Variants in VAC14 observed in about 807,000 individuals in gnomAD.
VAC14 encodes the protein protein VAC14 homolog.
In VAC14, 47 loss-of-function variants were observed where a neutral mutation model predicts 85.3. The ratio of observed to expected loss-of-function variants is 0.55; its 90% confidence interval spans 0.44 to 0.70. The LOEUF is 0.70. Ranked by LOEUF, VAC14 falls within the 30% of genes least tolerant of loss-of-function variation. The pLI is 0.00. For missense variants in VAC14, 861 were observed against 1,004.3 expected (o/e 0.86, Z 1.93); for synonymous variants, 447 against 430.5 (o/e 1.04, Z -0.47).
At chr16:70,783,170 C>T (rs1269012682) in intron 6 of VAC14, 31 bp from the exon 7 acceptor site, 7 of 1,603,624 alleles carry the variant, frequency 4.4e-6, no homozygotes, top group Admixed American at 1.7e-5. Context: ...GTGGAAACAG[C>T]GAGGGTCAGC....
At chr16:70,688,275 C>T in intron 18 of VAC14, 185 bp from the exon 19 acceptor site, 15 of 1,237,624 alleles carry the variant, frequency 1.2e-5, no homozygotes, top group South Asian at 3.6e-5. Context: ...GAGCATCCCC[C>T]TCTTCCGCAG....
intron 12 of VAC14, among the ~76,000 whole-genome samples, chr16:70,759,485 A>G (rs780204502): frequency 6.6e-6 from 1 of 152,092 alleles, no homozygotes; most frequent in Non-Finnish European, 1.5e-5. Flanking sequence ...AAAGTTAGTC[A>G]GGTGTGGTGG....
intron 14 of VAC14, among the ~76,000 whole-genome samples, chr16:70,726,290 G>A (rs879875376): frequency 3.3e-5 from 5 of 152,244 alleles, no homozygotes; most frequent in Non-Finnish European, 5.9e-5. Context: ...TTGTTTTAGC[G>A]GAGCCGGGCC....
At chr16:70,756,054 AC>A in intron 12 of VAC14, 1 of 456,812 alleles carries the variant, frequency 2.2e-6, no homozygotes, top group Non-Finnish European at 4.4e-6. Context: ...AACCCACCTG[AC>A]CACGGTGACA....
At chr16:70,797,736 T>C (rs778168015) in intron 1 of VAC14, among the ~76,000 whole-genome samples, 2 of 152,178 alleles carry the variant, frequency 1.3e-5, no homozygotes, top group Non-Finnish European at 2.9e-5. Flanking sequence ...TGATGATGAA[T>C]GGCCTAGCAC....
Position 70,762,397 on chromosome 16 carries a change from T to A in VAC14, c.1371+143A>T. ...TGCTGGAAAAACAGGTGTGAGCCAC[T>A]GCACCTGGCCCCAAAGTGAGTATTA... On this transcript the variant is annotated intron_variant, in intron 12 of 18. Coordinates refer to ENST00000261776, the MANE Select transcript of VAC14 (RefSeq NM_018052.5). The surrounding 1 kb of genome is among the most constrained non-coding windows in gnomAD (Gnocchi z 4.1). 1.2e-6 allele frequency: 1 copy of A among 865,744 alleles called. No homozygotes were observed. The highest frequency in any genetic ancestry group is 1.8e-6 in the Non-Finnish European group (1 of 542,420). 53.6% of individuals were successfully genotyped at this position (865,744 alleles called of 1,614,324 possible).
At chr16:70,696,957 T>C in intron 16 of VAC14, 182 bp downstream of exon 16, 1 of 562,160 alleles carries the variant, frequency 1.8e-6, no homozygotes, top group Non-Finnish European at 3.2e-6. Context: ...AATCTCGCTC[T>C]CCCAAATACG....
At chr16:70,784,630 A>G in intron 4 of VAC14, 146 bp downstream of exon 4, 1 of 817,616 alleles carries the variant, frequency 1.2e-6, no homozygotes, top group Non-Finnish European at 2.0e-6. Context: ...TATTCTTGTC[A>G]TAGAACTGCA....
At chr16:70,741,546 C>T (rs1484551521) in intron 13 of VAC14, among the ~76,000 whole-genome samples, 1 of 152,224 alleles carries the variant, frequency 6.6e-6, no homozygotes, top group Non-Finnish European at 1.5e-5. Flanking sequence ...AGCCTTGAGG[C>T]CCACACGTGA....
In VAC14 at chr16:70,786,198, T is replaced by G. The variant is rs1220659364; in HGVS notation, c.255+17A>C. On this transcript the variant is annotated intron_variant, in intron 2 of 18. Transcript: ENST00000261776. Reference sequence around the variant, plus strand: ...AGGCCAGGACTGGTATGTCTGTCCCTTGGGTGAAAGGCCCACCTTGCCCAG... The same window carrying G: ...AGGCCAGGACTGGTATGTCTGTCCCGTGGGTGAAAGGCCCACCTTGCCCAG... 6.2e-7 allele frequency: 1 copy of G among 1,612,850 alleles called. No individual in the cohort carries two copies. Among genetic ancestry groups the G allele is most frequent in the Non-Finnish European group, 8.5e-7 (1 of 1,179,300 alleles).
chr16:70,791,092 G>A (rs1326144851), intron 1 of VAC14, among the ~76,000 whole-genome samples: 1 of 152,204 alleles, frequency 6.6e-6, no homozygotes, highest in African/African-American at 2.4e-5. Flanking sequence ...CAGCCTTCCT[G>A]CTGGGCTCCC....
intron 14 of VAC14, chr16:70,699,310 C>G (rs938502179): frequency 1.6e-5 from 3 of 185,902 alleles, no homozygotes; most frequent in African/African-American, 4.6e-5. Flanking sequence ...CAGGGATTTG[C>G]ACTGTTCGGG....
At chr16:70,768,882 C>T (rs761222433) in intron 10 of VAC14, 14 of 449,306 alleles carry the variant, frequency 3.1e-5, no homozygotes, top group South Asian at 2.0e-4. Flanking sequence ...CTCACTGAAA[C>T]CTCCGCCTCC....
chr16:70,745,482 A>AGTGTGTGTGTGTGTGT (rs145054065), intron 12 of VAC14, among the ~76,000 whole-genome samples: 64 of 143,866 alleles, frequency 4.4e-4, no homozygotes, highest in African/African-American at 9.3e-4. Context: ...GAGGGGCTTC[A>AGTGTGTGTGTGTGTGT]GTGTGTGTGT....
At chr16:70,728,870 A>C (rs2054506967) in intron 14 of VAC14, among the ~76,000 whole-genome samples, 1 of 152,174 alleles carries the variant, frequency 6.6e-6, no homozygotes, top group Admixed American at 6.5e-5. Context: ...GGAAAACCAC[A>C]TGATGTTAAC....
intron 14 of VAC14, among the ~76,000 whole-genome samples, chr16:70,730,949 G>A (rs578228719): frequency 7.2e-4 from 109 of 152,270 alleles, no homozygotes; most frequent in Non-Finnish European, 1.3e-3. Flanking sequence ...GGTGACACTG[G>A]GCCACTCTTC....
At chr16:70,738,655 A>G (rs2029950599) in intron 13 of VAC14, among the ~76,000 whole-genome samples, 1 of 152,168 alleles carries the variant, frequency 6.6e-6, no homozygotes, top group African/African-American at 2.4e-5. Context: ...CGGGTATGAG[A>G]GGATGCCATT....
At chr16:70,689,337 G>A in intron 18 of VAC14, 1 of 985,456 alleles carries the variant, frequency 1.0e-6, no homozygotes, top group Non-Finnish European at 1.2e-6. Context: ...AGGCCAGCCG[G>A]GGCCCAGCAG....
intron 14 of VAC14, among the ~76,000 whole-genome samples, chr16:70,709,338 C>G (rs572395533): frequency 1.3e-5 from 2 of 152,138 alleles, no homozygotes; most frequent in Non-Finnish European, 2.9e-5. Flanking sequence ...CACACTTTTC[C>G]GGGAAGACAG....
Sources: allele counts gnomAD v4.1 joint callset (sites outside exome capture counted in the v4.1 genomes callset), GRCh38; gene constraint gnomAD v4.1.1; non-coding constraint Gnocchi (gnomAD v3.1); transcripts MANE v1.5; gene names NCBI Gene and HGNC (gene_info 2026-07-23, HGNC 2026-07-21).